Variants in CFDP1 observed in about 807,000 individuals in gnomAD.
CFDP1 encodes heterochromatin-stabilizing protein CFDP1.
A neutral mutation model predicts 40.1 loss-of-function variants in CFDP1; 31 were observed. The observed-to-expected ratio is 0.77, with a 90% CI of 0.58 to 1.04. CFDP1 has a LOEUF of 1.04. Among genes scored for constraint, CFDP1 ranks in the 50% least tolerant of loss-of-function variants. The probability of loss-of-function intolerance (pLI) is 0.00; values close to 1 mark genes in which losing one functional copy is unlikely to be tolerated. For synonymous variants in CFDP1, 167 were observed against 120.0 expected, an observed-to-expected ratio of 1.39 and a Z score of -2.56; for missense variants, 423 against 343.4, an observed-to-expected ratio of 1.23 and a Z score of -1.83.
At chr16:75,416,977 C>T (rs927583179) in intron 1 of CFDP1, among the ~76,000 whole-genome samples, 2 of 152,178 alleles carry the variant, frequency 1.3e-5, no homozygotes, top group African/African-American at 4.8e-5. Flanking sequence ...AATTTTACTT[C>T]CTCCTGAACC....
chr16:75,301,417 ATAATTCT>A (rs1373615780), intron 6 of CFDP1, among the ~76,000 whole-genome samples: 1 of 151,928 alleles, frequency 6.6e-6, no homozygotes, highest in African/African-American at 2.4e-5. Context: ...AGGTGCCTGT[ATAATTCT>A]TCCCCAAAAA....
intron 1 of CFDP1, among the ~76,000 whole-genome samples, chr16:75,427,068 A>G (rs1247034612): frequency 6.6e-6 from 1 of 151,504 alleles, no homozygotes. Flanking sequence ...AAAAAACAAA[A>G]CAAATATCTG....
At chr16:75,423,390 A>G (rs2079301561) in intron 1 of CFDP1, among the ~76,000 whole-genome samples, 1 of 151,722 alleles carries the variant, frequency 6.6e-6, no homozygotes, top group Non-Finnish European at 1.5e-5. Context: ...TTTAGGCTGC[A>G]GTGAGCTGAT....
chr16:75,341,897 G>A (rs1194986970), intron 5 of CFDP1, among the ~76,000 whole-genome samples: 1 of 152,136 alleles, frequency 6.6e-6, no homozygotes, highest in African/African-American at 2.4e-5. Context: ...AAAGACCTAG[G>A]TCTTTCGACT....
chr16:75,338,119 T>C (rs906664600), intron 5 of CFDP1, among the ~76,000 whole-genome samples: 1 of 152,216 alleles, frequency 6.6e-6, no homozygotes, highest in Admixed American at 6.5e-5. Context: ...TTAGCTTGGA[T>C]ACTTTTGTAC....
At position 75,327,398 on chromosome 16, in the gene CFDP1, A is replaced by T. The variant is rs1002583625; in HGVS notation, c.651-22216T>A. ...TGCACAGAAAGCAAAGAGAACAAAG[A>T]GCCCAGACTTGTGCAGGAGAATGGA... On this transcript the variant is annotated intron_variant, in intron 5 of 6. Coordinates refer to ENST00000283882, the MANE Select transcript of CFDP1 (RefSeq NM_006324.3). 6.2e-4 allele frequency among the ~76,000 whole-genome samples: 95 copies of T among 152,276 alleles called. 2 individuals carry two copies. The highest frequency in any genetic ancestry group is 4.7e-4 in the Non-Finnish European group (32 of 68,026).
chr16:75,429,456 T>C (rs1050578358), intron 1 of CFDP1, among the ~76,000 whole-genome samples: 1 of 151,984 alleles, frequency 6.6e-6, no homozygotes, highest in Non-Finnish European at 1.5e-5. Flanking sequence ...GAGTTCAATA[T>C]CAGCCTGGCC....
At chr16:75,298,971 G>A (rs140926650) in intron 6 of CFDP1, among the ~76,000 whole-genome samples, 1 of 152,154 alleles carries the variant, frequency 6.6e-6, no homozygotes, top group East Asian at 1.9e-4. Context: ...GCAGCAGCTG[G>A]GACTAGCCAG....
rs181967720 is a variant in CFDP1 at position 75,395,786 on chromosome 16, T to G, written c.531-577A>C. Among the ~76,000 whole-genome samples the G allele has an allele frequency of 5.3e-5, 8 of 152,238 alleles. No individual in the cohort carries two copies. The East Asian group carries it at 1.5e-3, about 29-fold the overall frequency. On this transcript the variant is annotated intron_variant, in intron 4 of 6. Transcript: ENST00000283882. ...ACAAAATCCCCTAAAACTGGCTAAA[T>G]TAGCAATAATTTGGGAATGGACGAA...
chr16:75,355,585 TCTGA>T (rs1454579708), intron 5 of CFDP1, among the ~76,000 whole-genome samples: 2 of 152,158 alleles, frequency 1.3e-5, no homozygotes, highest in Non-Finnish European at 2.9e-5. Flanking sequence ...TCTGATATGG[TCTGA>T]CTCTGTATCC....
chr16:75,412,507 C>T (rs1295719000), intron 3 of CFDP1, 28 bp downstream of exon 3: 3 of 1,530,430 alleles, frequency 2.0e-6, no homozygotes, highest in Non-Finnish European at 1.8e-6. Context: ...TCTGGAGAGG[C>T]ATTCACCTCA....
chr16:75,402,246 T>G (rs911692821), intron 4 of CFDP1, among the ~76,000 whole-genome samples: 3 of 152,238 alleles, frequency 2.0e-5, no homozygotes, highest in Non-Finnish European at 4.4e-5. Flanking sequence ...AAAGGCCTAT[T>G]ATTAGTAATA....
intron 5 of CFDP1, among the ~76,000 whole-genome samples, chr16:75,368,311 A>G (rs1325413450): frequency 6.6e-6 from 1 of 152,226 alleles, no homozygotes; most frequent in Non-Finnish European, 1.5e-5. Flanking sequence ...ATACACTTAA[A>G]TATTTACAGC....
chr16:75,412,120 C>G (rs534618785), intron 3 of CFDP1, among the ~76,000 whole-genome samples, 168 bp from the exon 4 acceptor site: 3 of 152,128 alleles, frequency 2.0e-5, no homozygotes, highest in Non-Finnish European at 4.4e-5. Flanking sequence ...CAGGTTAAAG[C>G]GATTCTCCTT....
At chr16:75,349,684 A>T (rs1276117546) in intron 5 of CFDP1, among the ~76,000 whole-genome samples, 3,114 of 7,944 alleles carry the variant, frequency 0.39, 579 homozygotes, top group African/African-American at 0.45. Flanking sequence ...AAAAAAAAAA[A>T]AAAAAAATAT....
chr16:75,319,708 TCTC>T lies in CFDP1; in HGVS notation c.651-14529_651-14527del, dbSNP rs1035871411. Among the ~76,000 whole-genome samples the T allele has an allele frequency of 1.9e-4, 29 of 151,954 alleles. 1 individual carries two copies. The highest frequency in any genetic ancestry group is 6.3e-3 in the Middle Eastern group (2 of 316). On this transcript the variant is annotated intron_variant, in intron 5 of 6. Transcript: ENST00000283882. ...TCTTCCTCCAGAGGCAGCTTCCACT[TCTC>T]CTCACAAAGCTGGGATATGGCATCA...
Position 75,433,417 on chromosome 16 carries a change from C to A in CFDP1, c.-65G>T. The A allele has an allele frequency of 6.7e-7, 1 of 1,498,370 alleles. No individual in the cohort carries two copies. The highest frequency in any genetic ancestry group is 1.9e-5 in the Admixed American group (1 of 51,584). 92.8% of individuals were successfully genotyped at this position (1,498,370 alleles called of 1,614,324 possible). A position where few individuals can be genotyped will look rare whatever the true frequency, so the allele number is the denominator to read the frequency against. On this transcript the variant is annotated 5_prime_UTR_variant, in exon 1 of 7. It removes the in-frame stop codon of an upstream open reading frame in the 5' UTR. Coordinates refer to ENST00000283882, the MANE Select transcript of CFDP1 (RefSeq NM_006324.3). Reference sequence around the variant, plus strand: ...AGCAGCCGCCTCCAACGGCAAAGCTCTAGGGAGAGACCATAGAGCCCCGGC... The same window carrying A: ...AGCAGCCGCCTCCAACGGCAAAGCTATAGGGAGAGACCATAGAGCCCCGGC...
intron 5 of CFDP1, among the ~76,000 whole-genome samples, chr16:75,358,907 C>T (rs929052181): frequency 6.6e-6 from 1 of 152,020 alleles, no homozygotes; most frequent in Non-Finnish European, 1.5e-5. Flanking sequence ...AATCAGTCAA[C>T]GTTAGAAGAG....
At chr16:75,306,802 T>C (rs1215231199) in intron 5 of CFDP1, among the ~76,000 whole-genome samples, 2 of 152,162 alleles carry the variant, frequency 1.3e-5, no homozygotes, top group Admixed American at 6.6e-5. Flanking sequence ...TAGCTCTTTA[T>C]GAGCTTTCAA....
Sources: gnomAD v4.1 joint callset for allele counts (sites outside exome capture counted in the v4.1 genomes callset) on GRCh38, gnomAD v4.1.1 for gene constraint, MANE v1.5 for transcripts, NCBI Gene and HGNC (gene_info 2026-07-23, HGNC 2026-07-21) for gene names.